THRAP3: variants seen among roughly 807,000 people sequenced by gnomAD.
THRAP3 encodes the protein thyroid hormone receptor associated protein 3, also known as thyroid hormone receptor-associated protein 3.
In THRAP3, 16 loss-of-function variants were observed where a neutral mutation model predicts 101.0. That is an observed-to-expected ratio of 0.16 (90% CI 0.11 to 0.24). The LOEUF (loss-of-function observed/expected upper bound fraction) is 0.24. THRAP3 is among the 10% of genes least tolerant of loss of function. The probability of loss-of-function intolerance (pLI) is 1.00; values close to 1 mark genes in which losing one functional copy is unlikely to be tolerated. For synonymous variants in THRAP3, 407 were observed against 422.6 expected, an observed-to-expected ratio of 0.96 and a Z score of 0.45; for missense variants, 989 against 1,202.7, an observed-to-expected ratio of 0.82 and a Z score of 2.63.
intron 2 of THRAP3, 144 bp downstream of exon 2, chr1:36,259,628 T>G: frequency 1.1e-5 from 4 of 367,206 alleles, no homozygotes; most frequent in East Asian, 3.9e-5. Context: ...TAACCAGGCC[T>G]GGTGATACAC....
chr1:36,269,885 C>CT (rs1557434238), intron 2 of THRAP3, among the ~76,000 whole-genome samples: 2 of 152,162 alleles, frequency 1.3e-5, no homozygotes. Flanking sequence ...CTGCATGTCT[C>CT]TTTTTTTAAA....
Position 36,304,169 on chromosome 1 carries a change from C to G in THRAP3, c.*152C>G, listed in dbSNP as rs1269963204. The G allele has an allele frequency of 7.4e-6, 9 of 1,214,522 alleles. 2 individuals are homozygous for G. The South Asian group carries it at 1.3e-4, about 17-fold the overall frequency. The allele number at this position is 1,214,522 out of a possible 1,614,324, so 75.2% of individuals were successfully genotyped here. On this transcript the variant is annotated 3_prime_UTR_variant, in exon 12 of 12. Coordinates refer to ENST00000354618, the MANE Select transcript of THRAP3 (RefSeq NM_005119.4). ...GATTGTACTACCGCGAGAGGCATCC[C>G]TGGCGCTGTCTCCCACTGGACAGAG...
rs58306701 is a variant in THRAP3 at position 36,253,760 on chromosome 1, A to ATTTTTTTTTTTTTTTTTTTTTTTT, written c.-134-5603_-134-5602insTTTTTTTTTTTTTTTTTTTTTTTT. Among the ~76,000 whole-genome samples, 88 of 100,198 alleles carry ATTTTTTTTTTTTTTTTTTTTTTTT rather than the reference A, an allele frequency of 8.8e-4. 5 individuals carry two copies. The highest frequency in any genetic ancestry group is 2.4e-3 in the East Asian group (8 of 3,328). 65.7% of individuals were successfully genotyped at this position (100,198 alleles called of 152,430 possible). A position where few individuals can be genotyped will look rare whatever the true frequency, so the allele number is the denominator to read the frequency against. On this transcript the variant is annotated intron_variant, in intron 1 of 11. Coordinates refer to ENST00000354618, the MANE Select transcript of THRAP3 (RefSeq NM_005119.4). ...AGGCGTACACCATTGAGTCAGGCTA[A>ATTTTTTTTTTTTTTTTTTTTTTTT]TTTTTTTTTTTTTTTTTTTAGTTTT... is the stretch of plus-strand genomic sequence containing the variant.
chr1:36,220,972 A>ATATATATATAT (rs1553189233), upstream of THRAP3, among the ~76,000 whole-genome samples: 2 of 94,146 alleles, frequency 2.1e-5, no homozygotes, highest in Admixed American at 1.4e-4. Flanking sequence ...AAAAAAAAAA[A>ATATATATATAT]ATATATATAT....
At chr1:36,234,526 T>C (rs1386456623) in intron 1 of THRAP3, among the ~76,000 whole-genome samples, 2 of 152,200 alleles carry the variant, frequency 1.3e-5, no homozygotes, top group African/African-American at 4.8e-5. Flanking sequence ...ATATATATTT[T>C]TTCCTTTGGT....
intron 2 of THRAP3, among the ~76,000 whole-genome samples, chr1:36,277,833 C>T (rs1645680299): frequency 6.6e-6 from 1 of 152,158 alleles, no homozygotes; most frequent in Non-Finnish European, 1.5e-5. Flanking sequence ...AATCTAGGCT[C>T]ACTGCCACCT....
At chr1:36,243,850 A>T (rs1206789948) in intron 1 of THRAP3, among the ~76,000 whole-genome samples, 1 of 139,142 alleles carries the variant, frequency 7.2e-6, no homozygotes, top group Admixed American at 7.0e-5. Flanking sequence ...TCCCTCCCGG[A>T]CGGGGCGGCT....
At chr1:36,275,371 A>T (rs1296615014) in intron 2 of THRAP3, among the ~76,000 whole-genome samples, 1 of 146,976 alleles carries the variant, frequency 6.8e-6, no homozygotes, top group African/African-American at 2.5e-5. Context: ...GTGGATCACG[A>T]GGTCAGGAGA....
intron 1 of THRAP3, 46 bp from the exon 2 acceptor site, chr1:36,259,336 G>A: frequency 2.5e-6 from 1 of 398,392 alleles, no homozygotes; most frequent in East Asian, 3.6e-5. Context: ...AACAGAATCT[G>A]CATTTGGGTA....
intron 2 of THRAP3, among the ~76,000 whole-genome samples, chr1:36,266,394 A>T (rs1306188559): frequency 1.3e-5 from 2 of 152,190 alleles, no homozygotes; most frequent in Admixed American, 1.3e-4. Context: ...CATCCTTGAG[A>T]TAAGCAGTGC....
chr1:36,233,025 C>A (rs903400949), intron 1 of THRAP3, among the ~76,000 whole-genome samples: 1 of 151,572 alleles, frequency 6.6e-6, no homozygotes, highest in Non-Finnish European at 1.5e-5. Flanking sequence ...CATACCACCA[C>A]GCCCAGCTAA....
At chr1:36,297,244 T>C (rs1372591906) in intron 9 of THRAP3, among the ~76,000 whole-genome samples, 5 of 152,224 alleles carry the variant, frequency 3.3e-5, no homozygotes, top group Non-Finnish European at 1.5e-5. Flanking sequence ...AAGAGAGGTG[T>C]TCCAGGTACT....
chr1:36,292,340 C>A (rs1469049817), intron 6 of THRAP3, among the ~76,000 whole-genome samples: 1 of 127,844 alleles, frequency 7.8e-6, no homozygotes, highest in Non-Finnish European at 1.6e-5. Flanking sequence ...GGCGGGATCT[C>A]AGCTCACTGC....
At chr1:36,293,700 G>T (rs1240764687) in intron 7 of THRAP3, 151 bp from the exon 8 acceptor site, 2 of 548,624 alleles carry the variant, frequency 3.6e-6, no homozygotes, top group African/African-American at 2.0e-5. Context: ...GAGAGTATAA[G>T]TATATAAGAG....
chr1:36,241,278 C>G (rs1645153415), intron 1 of THRAP3, among the ~76,000 whole-genome samples: 1 of 150,530 alleles, frequency 6.6e-6, no homozygotes. Flanking sequence ...TTTTGTAAAC[C>G]TGAATTCTCT....
At chr1:36,260,364 G>A (rs1570281576) in intron 2 of THRAP3, among the ~76,000 whole-genome samples, 1 of 152,242 alleles carries the variant, frequency 6.6e-6, no homozygotes, top group Admixed American at 6.5e-5. Flanking sequence ...CCCCTTCCCA[G>A]CCCCTTAGAA....
At chr1:36,300,743 G>A (rs1170685624) in intron 9 of THRAP3, 143 bp from the exon 10 acceptor site, 9 of 728,156 alleles carry the variant, frequency 1.2e-5, no homozygotes, top group Non-Finnish European at 2.0e-5. Flanking sequence ...GGTTGGGGGT[G>A]AGCTGGCTTT....
intron 2 of THRAP3, among the ~76,000 whole-genome samples, chr1:36,261,697 A>G (rs1172391491): frequency 6.6e-6 from 1 of 152,148 alleles, no homozygotes; most frequent in African/African-American, 2.4e-5. Flanking sequence ...GTGTCTCTAG[A>G]TAGCTTCGAG....
intron 1 of THRAP3, among the ~76,000 whole-genome samples, chr1:36,255,206 CAAG>C (rs1645357432): frequency 6.6e-6 from 1 of 152,076 alleles, no homozygotes; most frequent in Admixed American, 6.6e-5. Context: ...GCTTTTGAAA[CAAG>C]AACACATTAG....
Sources: allele counts gnomAD v4.1 joint callset (sites outside exome capture counted in the v4.1 genomes callset), GRCh38; gene constraint gnomAD v4.1.1; transcripts MANE v1.5; gene names NCBI Gene and HGNC (gene_info 2026-07-23, HGNC 2026-07-21).